THUMPD3: variants seen among roughly 807,000 people sequenced by gnomAD.
THUMPD3 encodes tRNA (guanine(6)-N(2))-methyltransferase THUMP3.
In THUMPD3, 44 loss-of-function variants were observed where a neutral mutation model predicts 54.5. The observed-to-expected ratio is 0.81, with a 90% CI of 0.63 to 1.04. THUMPD3 has a LOEUF of 1.04. THUMPD3 is among the 50% of genes least tolerant of loss of function. The probability of loss-of-function intolerance (pLI) is 0.00; values close to 1 mark genes in which losing one functional copy is unlikely to be tolerated. For synonymous variants in THUMPD3, 196 were observed against 201.4 expected, an observed-to-expected ratio of 0.97 and a Z score of 0.23; for missense variants, 604 against 601.3, an observed-to-expected ratio of 1.00 and a Z score of -0.05.
chr3:9,381,912 T>TGGGA (rs944332195), intron 7 of THUMPD3, among the ~76,000 whole-genome samples: 9 of 151,098 alleles, frequency 6.0e-5, no homozygotes, highest in African/African-American at 2.2e-4. Context: ...CCCAAGTAGC[T>TGGGA]GGGACTACAG....
At chr3:9,373,084 TA>T (rs1227679732) in intron 4 of THUMPD3, among the ~76,000 whole-genome samples, 1 of 151,738 alleles carries the variant, frequency 6.6e-6, no homozygotes, top group Non-Finnish European at 1.5e-5. Flanking sequence ...CTGTCTCCAC[TA>T]AAAATAAAAT....
chr3:9,366,166 A>C (rs1368524556), intron 2 of THUMPD3, among the ~76,000 whole-genome samples: 1 of 152,146 alleles, frequency 6.6e-6, no homozygotes, highest in Non-Finnish European at 1.5e-5. Context: ...CATAAAAGAG[A>C]TTTTCCTTTT....
intron 4 of THUMPD3, among the ~76,000 whole-genome samples, chr3:9,373,589 G>A (rs980464412): frequency 1.3e-5 from 2 of 152,172 alleles, no homozygotes; most frequent in African/African-American, 4.8e-5. Context: ...TATGAGATGA[G>A]GCCATGTATG....
rs1467234298 is a variant in THUMPD3, at chr3:9,384,968, T to C, written c.*280T>C. On this transcript the variant is annotated 3_prime_UTR_variant, in exon 10 of 10. Transcript: ENST00000452837. ...CAGCCTGGCCAACATGGTGAAACCC[T>C]GTCTCTACTAGAAATACAAAAATTA... The C allele has an allele frequency of 1.5e-5, 5 of 323,734 alleles. No individual in the cohort carries two copies. The highest frequency in any genetic ancestry group is 2.9e-5 in the Non-Finnish European group (5 of 170,196). 20.1% of individuals were successfully genotyped at this position (323,734 alleles called of 1,614,324 possible). A position where few individuals can be genotyped will look rare whatever the true frequency, so the allele number is the denominator to read the frequency against.
chr3:9,384,502 T>A (rs752678562), intron 9 of THUMPD3, 22 bp from the exon 10 acceptor site: 2 of 1,611,884 alleles, frequency 1.2e-6, no homozygotes, highest in Admixed American at 3.3e-5. Context: ...ACCTAATTGT[T>A]ATTTTTTTTG....
At chr3:9,374,711 A>T in intron 5 of THUMPD3, 65 bp downstream of exon 5, 6 of 1,579,282 alleles carry the variant, frequency 3.8e-6, no homozygotes, top group Non-Finnish European at 5.2e-6. Flanking sequence ...CCTTCAAAAT[A>T]CTGATTTGTG....
chr3:9,371,018 A>T, intron 3 of THUMPD3, 42 bp from the exon 4 acceptor site: 2 of 1,433,920 alleles, frequency 1.4e-6, no homozygotes, highest in Non-Finnish European at 1.9e-6. Flanking sequence ...GTTTGATTAT[A>T]GTGGTGAGAA....
At chr3:9,384,417 G>A in intron 9 of THUMPD3, 82 bp downstream of exon 9, 2 of 1,596,776 alleles carry the variant, frequency 1.3e-6, no homozygotes, top group Non-Finnish European at 1.7e-6. Flanking sequence ...GTTTGGATAA[G>A]ATTTGTTTTC....
At position 9,377,129 on chromosome 3, in the gene THUMPD3, G is replaced by A. The variant is rs372766615; in HGVS notation, c.939-690G>A. 9.9e-4 allele frequency among the ~76,000 whole-genome samples: 151 copies of A among 152,184 alleles called. 1 individual carries two copies. The South Asian group carries it at 0.019, about 19-fold the overall frequency. On this transcript the variant is annotated intron_variant, in intron 5 of 9. Transcript: ENST00000452837. The stretch of plus-strand genomic sequence containing the variant: ...TTATATTGATGCATGTTTGACTTGA[G>A]ACATTTTTGAGTCTTTTTAATGTAA...
chr3:9,370,263 G>A (rs1655486461), intron 3 of THUMPD3, among the ~76,000 whole-genome samples: 1 of 151,984 alleles, frequency 6.6e-6, no homozygotes, highest in Non-Finnish European at 1.5e-5. Context: ...TCATTTTAGT[G>A]ATATAATTAA....
intron 6 of THUMPD3, 61 bp from the exon 7 acceptor site, chr3:9,380,442 A>G: frequency 8.8e-7 from 1 of 1,141,870 alleles, no homozygotes; most frequent in Non-Finnish European, 1.3e-6. Context: ...TTGTTTGTTG[A>G]CAATTTAATC....
chr3:9,384,747 G>A lies in THUMPD3; in HGVS notation c.*59G>A. On this transcript the variant is annotated 3_prime_UTR_variant, in exon 10 of 10. Transcript: ENST00000452837. Reference sequence around the variant, plus strand: ...GGAAATGTTAGCATAAAAGAACTTGGAGAGGAAAAAAGTATTAACAAAACT... The same window carrying A: ...GGAAATGTTAGCATAAAAGAACTTGAAGAGGAAAAAAGTATTAACAAAACT... 1 of 1,595,752 alleles carries A rather than the reference G, an allele frequency of 6.3e-7. No individual in the cohort carries two copies.
chr3:9,373,885 G>C (rs2032250209), intron 4 of THUMPD3, among the ~76,000 whole-genome samples: 1 of 152,132 alleles, frequency 6.6e-6, no homozygotes, highest in African/African-American at 2.4e-5. Context: ...AGTGTAATAA[G>C]ACTTTTTATT....
At chr3:9,364,593 C>T (rs528458648) in intron 1 of THUMPD3, among the ~76,000 whole-genome samples, 10 of 152,206 alleles carry the variant, frequency 6.6e-5, no homozygotes, top group South Asian at 2.1e-4. Context: ...GCAATCTGCC[C>T]GCCTCGGCCT....
At chr3:9,376,218 G>T (rs1281793640) in intron 5 of THUMPD3, among the ~76,000 whole-genome samples, 1 of 152,174 alleles carries the variant, frequency 6.6e-6, no homozygotes, top group African/African-American at 2.4e-5. Flanking sequence ...AAGATAAAGA[G>T]AAATCTTGGG....
At chr3:9,371,909 C>T (rs2032072293) in intron 4 of THUMPD3, among the ~76,000 whole-genome samples, 1 of 152,202 alleles carries the variant, frequency 6.6e-6, no homozygotes, top group Non-Finnish European at 1.5e-5. Flanking sequence ...CAGAGTCTTG[C>T]TCTGTCACCC....
rs944152657 is a variant in THUMPD3, at chr3:9,386,277, T to C, written c.*1589T>C. The C allele has an allele frequency of 7.9e-5, 12 of 152,150 alleles. No homozygotes were observed. The highest frequency in any genetic ancestry group is 2.9e-4 in the African/African-American group (12 of 41,420). 9.4% of individuals were successfully genotyped at this position (152,150 alleles called of 1,614,324 possible). On this transcript the variant is annotated 3_prime_UTR_variant, in exon 10 of 10. Coordinates refer to ENST00000452837, the MANE Select transcript of THUMPD3 (RefSeq NM_001114092.2). ...GTTTATGGGCCGAACACAAAACTTT[T>C]CACCTGATGGGAGAAACCATTTAAA... is the stretch of plus-strand genomic sequence containing the variant.
At position 9,379,630 on chromosome 3, in the gene THUMPD3, A is replaced by G. The variant is rs566782185; in HGVS notation, c.1009-873A>G. On this transcript the variant is annotated intron_variant, in intron 6 of 9. Coordinates refer to ENST00000452837, the MANE Select transcript of THUMPD3 (RefSeq NM_001114092.2). The stretch of plus-strand genomic sequence containing the variant: ...GCTGACAGGTTTTTTATTTATAATT[A>G]CAAAATCCTTCCAGTGATATGGTGG... Among the ~76,000 whole-genome samples, 53 of 152,338 alleles carry G rather than the reference A, an allele frequency of 3.5e-4. No homozygotes were observed. In the South Asian group the frequency reaches 0.011, roughly 30 times the overall value.
Position 9,386,400 on chromosome 3 carries a change from C to T in THUMPD3, c.*1712C>T, listed in dbSNP as rs1008269147. ...ACCCCCCCACCCCCCACTCCACCCCCCACTAAGGGCAGGGTATTGTATCTG... is the reference window on the plus strand; with the variant it reads ...ACCCCCCCACCCCCCACTCCACCCCTCACTAAGGGCAGGGTATTGTATCTG... On this transcript the variant is annotated 3_prime_UTR_variant, in exon 10 of 10. Coordinates refer to ENST00000452837, the MANE Select transcript of THUMPD3 (RefSeq NM_001114092.2). 1 of 149,324 alleles carries T rather than the reference C, an allele frequency of 6.7e-6. No homozygotes were observed. Among genetic ancestry groups the T allele is most frequent in the African/African-American group, 2.5e-5 (1 of 40,540 alleles). The allele number at this position is 149,324 out of a possible 1,614,324, so 9.2% of individuals were successfully genotyped here.
Sources: gnomAD v4.1 joint callset for allele counts (sites outside exome capture counted in the v4.1 genomes callset) on GRCh38, gnomAD v4.1.1 for gene constraint, MANE v1.5 for transcripts, NCBI Gene and HGNC (gene_info 2026-07-23, HGNC 2026-07-21) for gene names.